The following CFAP52 variants were observed in gnomAD, a reference collection of about 807,000 sequenced individuals.
CFAP52 encodes cilia and flagella associated protein 52.
In CFAP52, 57 loss-of-function variants were observed where a neutral mutation model predicts 70.5. That is an observed-to-expected ratio of 0.81 (90% CI 0.65 to 1.01). CFAP52 has a LOEUF of 1.01. Among genes scored for constraint, CFAP52 ranks in the 50% least tolerant of loss-of-function variants. The pLI, the probability that CFAP52 is intolerant of heterozygous loss-of-function variation, is 0.00. For missense variants in CFAP52, 785 were observed against 788.5 expected, an observed-to-expected ratio of 1.00 and a Z score of 0.05; for synonymous variants, 267 against 292.5, an observed-to-expected ratio of 0.91 and a Z score of 0.89.
At chr17:9,588,575 C>T (rs926132647) in intron 3 of CFAP52, among the ~76,000 whole-genome samples, 1 of 152,132 alleles carries the variant, frequency 6.6e-6, no homozygotes, top group African/African-American at 2.4e-5. Context: ...TACCCACTCA[C>T]CTCGGACTTC....
In CFAP52 at chr17:9,632,982, C is replaced by T. The variant is rs1172900704; in HGVS notation, c.1269C>T (p.Ile423=). 8.7e-6 allele frequency: 14 copies of T among 1,614,046 alleles called. No homozygotes were observed. Among genetic ancestry groups the T allele is most frequent in the African/African-American group, 2.7e-5 (2 of 74,928 alleles). The stretch of plus-strand genomic sequence containing the variant: ...CTCACAGGATCGGCGTCACCGCCAT[C>T]GCCACCACCAGTGACTGTAAAAGGG... The part of the protein sequence containing the change: ...NNAHRIGVTA[I]ATTSDCKRVI... The change falls in exon 10 of 14, where the codon ATC becomes ATT. Residue 423 remains isoleucine, a synonymous_variant. Coordinates refer to ENST00000352665, the MANE Select transcript of CFAP52 (RefSeq NM_145054.5).
At chr17:9,600,450 C>T (rs1431265287) in intron 6 of CFAP52, among the ~76,000 whole-genome samples, 1 of 151,828 alleles carries the variant, frequency 6.6e-6, no homozygotes, top group Non-Finnish European at 1.5e-5. Flanking sequence ...ATCATGTTGG[C>T]TAGGCTAATC....
intron 12 of CFAP52, 128 bp downstream of exon 12, chr17:9,638,839 C>T: frequency 1.2e-6 from 1 of 849,976 alleles, no homozygotes; most frequent in Non-Finnish European, 1.9e-6. Flanking sequence ...ATCAATCAGC[C>T]ATGCCACTTT....
In CFAP52 at chr17:9,584,835, C is replaced by A. The variant is rs28555611; in HGVS notation, c.71-938C>A. 4.6e-5 allele frequency among the ~76,000 whole-genome samples: 7 copies of A among 152,012 alleles called. No individual in the cohort carries two copies. The South Asian group carries it at 8.3e-4, about 18-fold the overall frequency. On this transcript the variant is annotated intron_variant, in intron 1 of 13. Transcript: ENST00000352665. ...ACCGGGTTTCACCATGTTGGCCAGG[C>A]TGGTCTTGAACTCCTGACCTCAGGT...
chr17:9,630,852 G>A (rs900996406), intron 9 of CFAP52, among the ~76,000 whole-genome samples: 1 of 150,094 alleles, frequency 6.7e-6, no homozygotes, highest in African/African-American at 2.5e-5. Flanking sequence ...CGGGCGTGGT[G>A]GCGGGAGCCT....
intron 6 of CFAP52, among the ~76,000 whole-genome samples, chr17:9,607,667 T>C (rs905884001): frequency 1.3e-5 from 2 of 152,382 alleles, no homozygotes; most frequent in African/African-American, 4.8e-5. Context: ...CAGTGGCAGC[T>C]GAGAGACTAG....
chr17:9,594,755 G>T (rs980302652), intron 4 of CFAP52, among the ~76,000 whole-genome samples: 2 of 152,112 alleles, frequency 1.3e-5, no homozygotes, highest in Non-Finnish European at 2.9e-5. Context: ...AAATAATTAC[G>T]GGCAGGATCA....
downstream of CFAP52, among the ~76,000 whole-genome samples, chr17:9,644,535 C>T (rs1366643556): frequency 7.3e-6 from 1 of 137,324 alleles, no homozygotes; most frequent in East Asian, 2.2e-4. Context: ...AGTCATTTTG[C>T]AAGACCTTGC....
At chr17:9,639,299 C>T (rs997681595) in intron 12 of CFAP52, among the ~76,000 whole-genome samples, 1 of 151,864 alleles carries the variant, frequency 6.6e-6, no homozygotes, top group East Asian at 1.9e-4. Flanking sequence ...GGTGTGGTAG[C>T]GGGTGCCTGT....
At chr17:9,641,965 C>A in intron 13 of CFAP52, 130 bp downstream of exon 13, 1 of 646,624 alleles carries the variant, frequency 1.5e-6, no homozygotes, top group Non-Finnish European at 2.7e-6. Flanking sequence ...AATCAGATTC[C>A]AACCAATACT....
At chr17:9,616,088 C>T (rs1483995168) in intron 8 of CFAP52, among the ~76,000 whole-genome samples, 10 of 150,816 alleles carry the variant, frequency 6.6e-5, no homozygotes, top group Admixed American at 4.0e-4. Context: ...TCTGAGGTAC[C>T]GGGTTCATCT....
In CFAP52 at chr17:9,642,932, A is replaced by G. The variant is rs375905449; in HGVS notation, c.1688-91A>G. On this transcript the variant is annotated intron_variant, in intron 13 of 13. Coordinates refer to ENST00000352665, the MANE Select transcript of CFAP52 (RefSeq NM_145054.5). ...TTATTATAAAGACAGATACATGGGG[A>G]CCATGTTGAAAATGATCCAGTTATT... 20 of 1,077,870 alleles carry G rather than the reference A, an allele frequency of 1.9e-5. No individual in the cohort carries two copies. The African/African-American group carries it at 2.7e-4, about 15-fold the overall frequency. The allele number at this position is 1,077,870 out of a possible 1,614,324, so 66.8% of individuals were successfully genotyped here. A position where few individuals can be genotyped will look rare whatever the true frequency, so the allele number is the denominator to read the frequency against.
intron 8 of CFAP52, among the ~76,000 whole-genome samples, chr17:9,627,476 C>A (rs867253304): frequency 7.2e-5 from 11 of 151,870 alleles, no homozygotes; most frequent in African/African-American, 2.4e-4. Flanking sequence ...TGCACTCCAG[C>A]CCAGGCAACA....
chr17:9,590,762 T>C (rs1908710366), intron 3 of CFAP52, among the ~76,000 whole-genome samples: 1 of 152,154 alleles, frequency 6.6e-6, no homozygotes, highest in African/African-American at 2.4e-5. Flanking sequence ...TGCCTAAAAT[T>C]TGTTTGCAGA....
chr17:9,636,831 G>T (rs1297651869), intron 11 of CFAP52, among the ~76,000 whole-genome samples: 1 of 152,192 alleles, frequency 6.6e-6, no homozygotes, highest in African/African-American at 2.4e-5. Flanking sequence ...AGGATCAAGA[G>T]GTCAGGAGTT....
chr17:9,623,550 T>G (rs1350711519), intron 8 of CFAP52, among the ~76,000 whole-genome samples: 2 of 152,224 alleles, frequency 1.3e-5, no homozygotes, highest in Non-Finnish European at 2.9e-5. Context: ...AAGAAAAAAT[T>G]TAAAATGTCT....
chr17:9,640,401 C>T (rs1910999023), intron 12 of CFAP52, among the ~76,000 whole-genome samples: 1 of 150,144 alleles, frequency 6.7e-6, no homozygotes, highest in South Asian at 2.1e-4. Flanking sequence ...CCCCCACCCA[C>T]CACCCCCCGA....
At chr17:9,582,210 G>A (rs994686183) in intron 1 of CFAP52, among the ~76,000 whole-genome samples, 2 of 152,144 alleles carry the variant, frequency 1.3e-5, no homozygotes, top group African/African-American at 2.4e-5. Context: ...GCGCATTCAA[G>A]CATCATCAAT....
At chr17:9,644,142 T>G (rs767061392), downstream of CFAP52, among the ~76,000 whole-genome samples, 1 of 150,890 alleles carries the variant, frequency 6.6e-6, no homozygotes, top group Non-Finnish European at 1.5e-5. Flanking sequence ...ATTTAGCTCT[T>G]GTCGCAATTT....
Sources: allele counts gnomAD v4.1 joint callset (sites outside exome capture counted in the v4.1 genomes callset), GRCh38; gene constraint gnomAD v4.1.1; transcripts MANE v1.5; gene names NCBI Gene and HGNC (gene_info 2026-07-23, HGNC 2026-07-21).